SCX: variants seen among roughly 807,000 people sequenced by gnomAD.
SCX encodes the protein scleraxis bHLH transcription factor, also known as basic helix-loop-helix transcription factor scleraxis.
Under a neutral mutation model 12.2 loss-of-function variants are expected in SCX, and 7 were observed. The observed-to-expected ratio is 0.57, with a 90% CI of 0.33 to 1.08. The LOEUF is 1.08. Among genes scored for constraint, SCX ranks in the 50% least tolerant of loss-of-function variants. The probability of loss-of-function intolerance (pLI) is 0.04; values close to 1 mark genes in which losing one functional copy is unlikely to be tolerated. For missense variants in SCX, 342 were observed against 337.2 expected (o/e 1.01, Z -0.11); for synonymous variants, 193 against 163.9 (o/e 1.18, Z -1.36).
chr8:144,267,421 A>G (rs1220390640), intron 1 of SCX, among the ~76,000 whole-genome samples: 1 of 152,114 alleles, frequency 6.6e-6, no homozygotes, highest in Non-Finnish European at 1.5e-5. Flanking sequence ...CATGAGGGGT[A>G]AGAGCTAGGG....
Position 144,266,622 on chromosome 8 carries a change from C to A in SCX, c.9C>A (p.Phe3Leu). The A allele has an allele frequency of 8.2e-7, 1 of 1,215,970 alleles. No individual in the cohort carries two copies. The highest frequency in any genetic ancestry group is 1.0e-6 in the Non-Finnish European group (1 of 958,062). The allele number at this position is 1,215,970 out of a possible 1,614,324, so 75.3% of individuals were successfully genotyped here. A position where few individuals can be genotyped will look rare whatever the true frequency, so the allele number is the denominator to read the frequency against. ...GCGCCCCCGCCGGCCCCATGTCCTTCGCCACGCTGCGCCCGGCGCCGCCGG... is the reference window on the plus strand; with the variant it reads ...GCGCCCCCGCCGGCCCCATGTCCTTAGCCACGCTGCGCCCGGCGCCGCCGG... MS[F>L]ATLRPAPPGR... The change falls in exon 1 of 2, where the codon TTC becomes TTA. Residue 3 changes from phenylalanine (F) to leucine (L), a missense_variant. By Grantham distance (22) the Phe-to-Leu change is conservative. Around this residue, in one of 3 missense-constraint regions of SCX, gnomAD observed 139 missense variants for 107.8 expected, o/e 1.29. Coordinates refer to ENST00000567180, the MANE Select transcript of SCX (RefSeq NM_001080514.3).
Position 144,266,803 on chromosome 8 carries a change from G to T in SCX, c.190G>T (p.Gly64Trp), listed in dbSNP as rs1845380390. 3 of 1,137,378 alleles carry T rather than the reference G, an allele frequency of 2.6e-6. No homozygotes were observed. The highest frequency in any genetic ancestry group is 4.9e-5 in the Admixed American group (1 of 20,326). The allele number at this position is 1,137,378 out of a possible 1,614,324, so 70.5% of individuals were successfully genotyped here. The change falls in exon 1 of 2, where the codon GGG becomes TGG. Residue 64 changes from glycine (G) to tryptophan (W), a missense_variant. Transcript: ENST00000567180. Reference protein sequence around the residue: ...RRAGGRRAGGGGPGGRPGREP... With the variant: ...RRAGGRRAGGWGPGGRPGREP... Reference sequence around the variant, plus strand: ...GGCGGGGGGCCGGCGGGCCGGGGGCGGGGGGCCAGGGGGCCGGCCAGGCCG... The same window carrying T: ...GGCGGGGGGCCGGCGGGCCGGGGGCTGGGGGCCAGGGGGCCGGCCAGGCCG...
Position 144,268,287 on chromosome 8 carries a change from C to A in SCX, c.*145C>A. 2 of 1,229,122 alleles carry A rather than the reference C, an allele frequency of 1.6e-6. No homozygotes were observed. The highest frequency in any genetic ancestry group is 1.1e-6 in the Non-Finnish European group (1 of 880,720). The allele number at this position is 1,229,122 out of a possible 1,614,324, so 76.1% of individuals were successfully genotyped here. ...AGGCCAGCCCTGGCTGCGAGCGGGGCCGAGGGACAGACGGACGTACAGACA... is the reference window on the plus strand; with the variant it reads ...AGGCCAGCCCTGGCTGCGAGCGGGGACGAGGGACAGACGGACGTACAGACA... On this transcript the variant is annotated 3_prime_UTR_variant, in exon 2 of 2. Transcript: ENST00000567180.
Position 144,266,664 on chromosome 8 carries a change from C to G in SCX, c.51C>G (p.Pro17=). 3 of 1,258,490 alleles carry G rather than the reference C, an allele frequency of 2.4e-6. No individual in the cohort carries two copies. Among genetic ancestry groups the G allele is most frequent in the Non-Finnish European group, 3.1e-6 (3 of 982,122 alleles). 78.0% of individuals were successfully genotyped at this position (1,258,490 alleles called of 1,614,324 possible). Residue 17 remains proline (P), a synonymous_variant, in exon 1 of 2, where the codon CCC becomes CCG. Transcript: ENST00000567180. ...CGCCGCCGGGCCGCTACCTGTACCC[C>G]GAGGTGAGCCCGCTGTCGGAGGACG... ...RPAPPGRYLY[P]EVSPLSEDED...
At position 144,268,300 on chromosome 8, in the gene SCX, G is replaced by C. The variant is rs942672604; in HGVS notation, c.*158G>C. The C allele has an allele frequency of 7.3e-4, 789 of 1,086,138 alleles. No individual in the cohort carries two copies. The highest frequency in any genetic ancestry group is 1.0e-3 in the Non-Finnish European group (760 of 761,526). The allele number at this position is 1,086,138 out of a possible 1,614,324, so 67.3% of individuals were successfully genotyped here. A position where few individuals can be genotyped will look rare whatever the true frequency, so the allele number is the denominator to read the frequency against. Reference sequence around the variant, plus strand: ...CTGCGAGCGGGGCCGAGGGACAGACGGACGTACAGACAGGCGCCGGCAGCG... The same window carrying C: ...CTGCGAGCGGGGCCGAGGGACAGACCGACGTACAGACAGGCGCCGGCAGCG... On this transcript the variant is annotated 3_prime_UTR_variant, in exon 2 of 2. Transcript: ENST00000567180.
Position 144,267,096 on chromosome 8 carries a change from G to A in SCX, c.483G>A (p.Pro161=). 7.1e-7 allele frequency: 1 copy of A among 1,403,806 alleles called. No individual in the cohort carries two copies. The highest frequency in any genetic ancestry group is 1.6e-5 in the South Asian group (1 of 62,792). 87.0% of individuals were successfully genotyped at this position (1,403,806 alleles called of 1,614,324 possible). A position where few individuals can be genotyped will look rare whatever the true frequency, so the allele number is the denominator to read the frequency against. Residue 161 remains proline, a synonymous_variant, in exon 1 of 2, where the codon CCG becomes CCA. Coordinates refer to ENST00000567180, the MANE Select transcript of SCX (RefSeq NM_001080514.3). ...CGCGCGCCGGCAGCCCCCCGCCGCCGCCCCCGCCGCCTCCCGCCCGCGACG... is the reference window on the plus strand; with the variant it reads ...CGCGCGCCGGCAGCCCCCCGCCGCCACCCCCGCCGCCTCCCGCCCGCGACG... The part of the protein sequence containing the change: ...HAARAGSPPP[P]PPPPPARDGE...
At position 144,267,188 on chromosome 8, in the gene SCX, C is replaced by A; in HGVS notation, c.567+8C>A. On this transcript the variant is annotated splice_region_variant and intron_variant, in intron 1 of 1. Transcript: ENST00000567180. ...AGCAACCAGAGAAAGTTGGTGAGCACGGGCCGTGGGGCGCCGAGGGGGGCC... is the reference window on the plus strand; with the variant it reads ...AGCAACCAGAGAAAGTTGGTGAGCAAGGGCCGTGGGGCGCCGAGGGGGGCC... The A allele has an allele frequency of 6.6e-7, 1 of 1,518,290 alleles. No individual in the cohort carries two copies. The highest frequency in any genetic ancestry group is 1.2e-5 in the South Asian group (1 of 82,506). 94.1% of individuals were successfully genotyped at this position (1,518,290 alleles called of 1,614,324 possible). A position where few individuals can be genotyped will look rare whatever the true frequency, so the allele number is the denominator to read the frequency against.
At chr8:144,267,246 C>A in intron 1 of SCX, 66 bp downstream of exon 1, 1 of 1,443,332 alleles carries the variant, frequency 6.9e-7, no homozygotes. Context: ...ACCTGCCAGG[C>A]AGAGGAGGCG....
rs1845378065 is a variant in SCX, at chr8:144,266,757, C to G, written c.144C>G (p.Gly48=). ...GTCGCGTGCACGCGGCGCGCTGCGG[C>G]CTCCAGGGCGCCCGGCGGAGGGCGG... ...KPCRVHAARC[G]LQGARRRAGG... The change falls in exon 1 of 2, where the codon GGC becomes GGG. Residue 48 remains glycine (G), a synonymous_variant. Coordinates refer to ENST00000567180, the MANE Select transcript of SCX (RefSeq NM_001080514.3). 9.3e-7 allele frequency: 1 copy of G among 1,075,108 alleles called. No homozygotes were observed. 66.6% of individuals were successfully genotyped at this position (1,075,108 alleles called of 1,614,324 possible).
Position 144,266,680 on chromosome 8 carries a change from T to C in SCX, c.67T>C (p.Ser23Pro). ...RYLYPEVSPLSEDEDRGSDSS... is the reference protein window; with the variant it reads ...RYLYPEVSPLPEDEDRGSDSS... The stretch of plus-strand genomic sequence containing the variant: ...CCTGTACCCCGAGGTGAGCCCGCTG[T>C]CGGAGGACGAGGACCGCGGCAGCGA... Residue 23 changes from serine to proline, a missense_variant, in exon 1 of 2, where the codon TCG (serine) becomes CCG (proline). Ser to Pro is a moderately conservative substitution (Grantham distance 74, BLOSUM62 -1). Transcript: ENST00000567180. The C allele has an allele frequency of 8.0e-7, 1 of 1,248,302 alleles. No homozygotes were observed. The allele number at this position is 1,248,302 out of a possible 1,614,324, so 77.3% of individuals were successfully genotyped here.
rs894149596 is a variant in SCX, at chr8:144,268,335, G to A, written c.*193G>A. ...ACAGGCGCCGGCAGCGGGACTCTGC[G>A]CTGGCCCCAGCACCTGCCCGGGCCC... On this transcript the variant is annotated 3_prime_UTR_variant, in exon 2 of 2. Coordinates refer to ENST00000567180, the MANE Select transcript of SCX (RefSeq NM_001080514.3). The A allele has an allele frequency of 1.9e-5, 14 of 734,050 alleles. No homozygotes were observed. Among genetic ancestry groups the A allele is most frequent in the Admixed American group, 2.8e-5 (1 of 35,230 alleles). 45.5% of individuals were successfully genotyped at this position (734,050 alleles called of 1,614,324 possible). A position where few individuals can be genotyped will look rare whatever the true frequency, so the allele number is the denominator to read the frequency against.
chr8:144,267,246 CAGA>C, intron 1 of SCX, 66 bp downstream of exon 1: 2 of 1,443,332 alleles, frequency 1.4e-6, no homozygotes, highest in Non-Finnish European at 1.8e-6. Flanking sequence ...ACCTGCCAGG[CAGA>C]GGAGGCGAGG....
Position 144,268,168 on chromosome 8 carries a change from C to G in SCX, c.*26C>G, listed in dbSNP as rs1263949197. The G allele has an allele frequency of 6.5e-7, 1 of 1,550,224 alleles. No homozygotes were observed. The highest frequency in any genetic ancestry group is 1.2e-5 in the South Asian group (1 of 84,020). On this transcript the variant is annotated 3_prime_UTR_variant, in exon 2 of 2. Transcript: ENST00000567180. ...GAGGTGGCCGGCAGCAGCCAGGAGG[C>G]AGACGCTGCTGGGGGAGGTGGACGC... is the stretch of plus-strand genomic sequence containing the variant.
In SCX at chr8:144,268,275, C is replaced by A; in HGVS notation, c.*133C>A. On this transcript the variant is annotated 3_prime_UTR_variant, in exon 2 of 2. Transcript: ENST00000567180. The stretch of plus-strand genomic sequence containing the variant: ...AAGCATGCCCCCAGGCCAGCCCTGG[C>A]TGCGAGCGGGGCCGAGGGACAGACG... 7.4e-7 allele frequency: 1 copy of A among 1,353,084 alleles called. No individual in the cohort carries two copies. Among genetic ancestry groups the A allele is most frequent in the Non-Finnish European group, 1.0e-6 (1 of 985,636 alleles). 83.8% of individuals were successfully genotyped at this position (1,353,084 alleles called of 1,614,324 possible).
In SCX at chr8:144,268,218, A is replaced by T. The variant is rs1845425901; in HGVS notation, c.*76A>T. 2 of 1,542,068 alleles carry T rather than the reference A, an allele frequency of 1.3e-6. No individual in the cohort carries two copies. The highest frequency in any genetic ancestry group is 1.8e-6 in the Non-Finnish European group (2 of 1,141,662). On this transcript the variant is annotated 3_prime_UTR_variant, in exon 2 of 2. Coordinates refer to ENST00000567180, the MANE Select transcript of SCX (RefSeq NM_001080514.3). ...CCCGGGGTGACTGCAGACAGCCCCC[A>T]CCTTGGACCTGAGCTGGGCAAGGCC...
Position 144,268,250 on chromosome 8 carries a change from A to G in SCX, c.*108A>G. The G allele has an allele frequency of 1.3e-6, 2 of 1,482,320 alleles. No individual in the cohort carries two copies. Among genetic ancestry groups the G allele is most frequent in the Non-Finnish European group, 1.8e-6 (2 of 1,092,010 alleles). The allele number at this position is 1,482,320 out of a possible 1,614,324, so 91.8% of individuals were successfully genotyped here. ...ACCTGAGCTGGGCAAGGCCCACCGC[A>G]AGCATGCCCCCAGGCCAGCCCTGGC... On this transcript the variant is annotated 3_prime_UTR_variant, in exon 2 of 2. Coordinates refer to ENST00000567180, the MANE Select transcript of SCX (RefSeq NM_001080514.3).
chr8:144,268,282 CG>C lies in SCX; in HGVS notation c.*144del. ...CCCCCAGGCCAGCCCTGGCTGCGAG[CG>C]GGGCCGAGGGACAGACGGACGTACA... On this transcript the variant is annotated 3_prime_UTR_variant, in exon 2 of 2. Transcript: ENST00000567180. 4.7e-6 allele frequency: 6 copies of C among 1,287,910 alleles called. No homozygotes were observed. Among genetic ancestry groups the C allele is most frequent in the East Asian group, 2.5e-5 (1 of 39,414 alleles). 79.8% of individuals were successfully genotyped at this position (1,287,910 alleles called of 1,614,324 possible). A position where few individuals can be genotyped will look rare whatever the true frequency, so the allele number is the denominator to read the frequency against.
At position 144,268,286 on chromosome 8, in the gene SCX, G is replaced by A; in HGVS notation, c.*144G>A. ...CAGGCCAGCCCTGGCTGCGAGCGGG[G>A]CCGAGGGACAGACGGACGTACAGAC... On this transcript the variant is annotated 3_prime_UTR_variant, in exon 2 of 2. Transcript: ENST00000567180. 12 of 1,243,196 alleles carry A rather than the reference G, an allele frequency of 9.7e-6. No individual in the cohort carries two copies. The highest frequency in any genetic ancestry group is 1.4e-5 in the South Asian group (1 of 69,814). 77.0% of individuals were successfully genotyped at this position (1,243,196 alleles called of 1,614,324 possible). A position where few individuals can be genotyped will look rare whatever the true frequency, so the allele number is the denominator to read the frequency against.
At chr8:144,267,749 G>A (rs1845411912) in intron 1 of SCX, among the ~76,000 whole-genome samples, 1 of 152,072 alleles carries the variant, frequency 6.6e-6, no homozygotes, top group Non-Finnish European at 1.5e-5. Flanking sequence ...GGGGGTGAGG[G>A]CCCCTGCAGG....
Sources: gnomAD v4.1 joint callset for allele counts (sites outside exome capture counted in the v4.1 genomes callset) on GRCh38, gnomAD v4.1.1 for gene constraint, gnomAD v4.1.1 regional missense constraint, MANE v1.5 for transcripts, NCBI Gene and HGNC (gene_info 2026-07-23, HGNC 2026-07-21) for gene names.